The following PRUNE2 variants were observed in gnomAD, a reference collection of about 807,000 sequenced individuals.
PRUNE2 encodes the protein protein prune homolog 2.
In PRUNE2, 164 loss-of-function variants were observed where a neutral mutation model predicts 252.0. That is an observed-to-expected ratio of 0.65 (90% CI 0.57 to 0.74). The LOEUF is 0.74. Ranked by LOEUF, PRUNE2 falls within the 30% of genes least tolerant of loss-of-function variation. The pLI, the probability that PRUNE2 is intolerant of heterozygous loss-of-function variation, is 0.00. For synonymous variants in PRUNE2, 1,292 were observed against 1,350.2 expected (o/e 0.96, Z 0.94); for missense variants, 3,495 against 3,711.0 (o/e 0.94, Z 1.51).
intron 9 of PRUNE2, among the ~76,000 whole-genome samples, chr9:76,701,863 C>T (rs1564077178): frequency 6.6e-6 from 1 of 152,150 alleles, no homozygotes; most frequent in Non-Finnish European, 1.5e-5. Context: ...GAATTTAATA[C>T]TGCAGGAAGC....
intron 6 of PRUNE2, among the ~76,000 whole-genome samples, chr9:76,783,001 G>A (rs1235807661): frequency 2.6e-5 from 4 of 152,138 alleles, no homozygotes; most frequent in Non-Finnish European, 2.9e-5. Context: ...CCCATGTTAC[G>A]TGTCATTTTC....
intron 4 of PRUNE2, among the ~76,000 whole-genome samples, chr9:76,837,441 A>AAATATTAAT (rs147526426): frequency 1.6e-4 from 21 of 134,832 alleles, no homozygotes; most frequent in Middle Eastern, 4.0e-3. Flanking sequence ...ACTCTGTCTC[A>AAATATTAAT]AATAATAATA....
At chr9:76,680,748 G>A (rs1366153725) in intron 9 of PRUNE2, among the ~76,000 whole-genome samples, 1 of 152,190 alleles carries the variant, frequency 6.6e-6, no homozygotes, top group Non-Finnish European at 1.5e-5. Context: ...AATTGACTCA[G>A]AGTTCTGCAT....
rs7025236 is a variant in PRUNE2, at chr9:76,877,749, G to C, written c.37-23541C>G. 4.0e-3 allele frequency among the ~76,000 whole-genome samples: 605 copies of C among 152,314 alleles called. 5 individuals are homozygous for C. Among genetic ancestry groups the C allele is most frequent in the African/African-American group, 0.014 (583 of 41,560 alleles). ...CATTTGAAGAAGGAAAATTTTCTCT[G>C]GGTTATAAATAATGCACAGTTAAAT... On this transcript the variant is annotated intron_variant, in intron 1 of 18. Coordinates refer to ENST00000376718, the MANE Select transcript of PRUNE2 (RefSeq NM_015225.3).
chr9:76,863,662 AC>A (rs1249232191), intron 1 of PRUNE2, among the ~76,000 whole-genome samples: 2 of 152,252 alleles, frequency 1.3e-5, no homozygotes, highest in Non-Finnish European at 2.9e-5. Context: ...CACACTCTGT[AC>A]AATATTTTCC....
At chr9:76,777,001 T>C (rs1021228838) in intron 6 of PRUNE2, among the ~76,000 whole-genome samples, 1 of 150,694 alleles carries the variant, frequency 6.6e-6, no homozygotes. Flanking sequence ...CCTAAACTGT[T>C]CCTCTTGGGT....
Position 76,710,474 on chromosome 9 carries a change from C to T in PRUNE2, c.1800G>A (p.Arg600=), listed in dbSNP as rs1198722912. 1 of 1,613,818 alleles carries T rather than the reference C, an allele frequency of 6.2e-7. No homozygotes were observed. The highest frequency in any genetic ancestry group is 1.7e-5 in the Admixed American group (1 of 59,992). ...FVGDESPSPE[R]LKNTGKRIPP... Reference sequence around the variant, plus strand: ...GGATCCTCTTTCCAGTATTTTTTAGCCTTTCTGGGGAAGGGGATTCATCTC... The same window carrying T: ...GGATCCTCTTTCCAGTATTTTTTAGTCTTTCTGGGGAAGGGGATTCATCTC... The change falls in exon 8 of 19, where the codon AGG becomes AGA. Residue 600 remains arginine (R), a synonymous_variant. Coordinates refer to ENST00000376718, the MANE Select transcript of PRUNE2 (RefSeq NM_015225.3).
At chr9:76,703,001 A>C (rs1001554795) in intron 9 of PRUNE2, among the ~76,000 whole-genome samples, 39 of 152,088 alleles carry the variant, frequency 2.6e-4, no homozygotes, top group African/African-American at 9.2e-4. Context: ...TGCCTTGCAC[A>C]TAGTAGGTGC....
intron 6 of PRUNE2, among the ~76,000 whole-genome samples, chr9:76,764,266 T>C (rs1188435725): frequency 6.6e-6 from 1 of 151,942 alleles, no homozygotes; most frequent in Non-Finnish European, 1.5e-5. Context: ...ATAAATAAGA[T>C]AATTTTTAAT....
intron 6 of PRUNE2, among the ~76,000 whole-genome samples, chr9:76,723,966 C>T (rs1296429323): frequency 1.3e-5 from 2 of 151,430 alleles, no homozygotes; most frequent in Non-Finnish European, 2.9e-5. Flanking sequence ...TGCTACCACG[C>T]TCGGCTAACT....
chr9:76,620,242 C>T (rs950437247), intron 17 of PRUNE2, among the ~76,000 whole-genome samples: 8 of 151,360 alleles, frequency 5.3e-5, no homozygotes, highest in South Asian at 2.1e-4. Flanking sequence ...CAGGTTCAAG[C>T]GATTCTCCTG....
rs569294254 is a variant in PRUNE2, at chr9:76,776,664, G to A, written c.756+46968C>T. On this transcript the variant is annotated intron_variant, in intron 6 of 18. Transcript: ENST00000376718. ...TAAGTAGCTAGGATTACAGGTGCCC[G>A]CCACTATGCCTAGCTAGTATTTCTA... 4.0e-4 allele frequency among the ~76,000 whole-genome samples: 61 copies of A among 151,308 alleles called. 1 individual carries two copies. Among genetic ancestry groups the A allele is most frequent in the Non-Finnish European group, 1.8e-4 (12 of 67,802 alleles).
At chr9:76,887,395 T>C (rs1401933865) in intron 1 of PRUNE2, among the ~76,000 whole-genome samples, 1 of 152,198 alleles carries the variant, frequency 6.6e-6, no homozygotes, top group Non-Finnish European at 1.5e-5. Flanking sequence ...ACAAGTGTGG[T>C]TCTGTTCAGT....
At chr9:76,893,232 G>C (rs2062597614) in intron 1 of PRUNE2, among the ~76,000 whole-genome samples, 1 of 151,068 alleles carries the variant, frequency 6.6e-6, no homozygotes, top group African/African-American at 2.5e-5. Context: ...GTAACAGAAG[G>C]AGACCCTGGT....
chr9:76,663,989 A>T (rs182801468), intron 9 of PRUNE2, among the ~76,000 whole-genome samples: 1 of 152,308 alleles, frequency 6.6e-6, no homozygotes, highest in Admixed American at 6.5e-5. Context: ...CTAATCCCAC[A>T]TCTTCCTCTA....
chr9:76,867,340 C>T (rs572419311), intron 1 of PRUNE2, among the ~76,000 whole-genome samples: 3 of 152,026 alleles, frequency 2.0e-5, no homozygotes, highest in African/African-American at 7.2e-5. Context: ...AAAAACGAAC[C>T]GCATCAGACC....
intron 6 of PRUNE2, among the ~76,000 whole-genome samples, chr9:76,803,004 G>C (rs971738306): frequency 1.3e-5 from 2 of 152,170 alleles, no homozygotes; most frequent in Non-Finnish European, 2.9e-5. Context: ...TCCAATATCT[G>C]TAGGTGATAG....
At chr9:76,823,559 G>A (rs774913195) in intron 6 of PRUNE2, 73 bp downstream of exon 6, 6 of 858,892 alleles carry the variant, frequency 7.0e-6, no homozygotes, top group Non-Finnish European at 1.2e-5. Flanking sequence ...CCAATGGAGA[G>A]AGTTACATTC....
intron 1 of PRUNE2, among the ~76,000 whole-genome samples, chr9:76,886,353 G>C (rs115309922): frequency 1.3e-5 from 2 of 152,184 alleles, no homozygotes; most frequent in Non-Finnish European, 2.9e-5. Context: ...CTAATTCCAC[G>C]ACCCTTGTTC....
Sources: allele counts gnomAD v4.1 joint callset (sites outside exome capture counted in the v4.1 genomes callset), GRCh38; gene constraint gnomAD v4.1.1; transcripts MANE v1.5; gene names NCBI Gene and HGNC (gene_info 2026-07-23, HGNC 2026-07-21).